Variants in MLIP observed in about 807,000 individuals in gnomAD.
MLIP encodes muscular LMNA-interacting protein.
Under a neutral mutation model 84.8 loss-of-function variants are expected in MLIP, and 79 were observed. The observed-to-expected ratio is 0.93, with a 90% confidence interval of 0.78 to 1.12. The LOEUF is 1.12. MLIP is among the 50% of genes most tolerant of loss of function. The probability of loss-of-function intolerance (pLI) is 0.00; values close to 1 mark genes in which losing one functional copy is unlikely to be tolerated. For missense variants in MLIP, 1,257 were observed against 1,160.6 expected (o/e 1.08, Z -1.21); for synonymous variants, 504 against 463.0 (o/e 1.09, Z -1.14).
chr6:54,243,037 A>G (rs926633297), intron 12 of MLIP, among the ~76,000 whole-genome samples: 13 of 152,202 alleles, frequency 8.5e-5, no homozygotes, highest in African/African-American at 2.9e-4. Flanking sequence ...AGACAGAGAC[A>G]TGGGGGCCTT....
chr6:54,252,366 CT>C (rs1782679246), intron 12 of MLIP, among the ~76,000 whole-genome samples: 15 of 98,564 alleles, frequency 1.5e-4, no homozygotes, highest in African/African-American at 8.0e-4. Flanking sequence ...ATACCATATA[CT>C]ATATAACTAT....
intron 12 of MLIP, among the ~76,000 whole-genome samples, chr6:54,251,597 A>G (rs1301902162): frequency 1.2e-5 from 1 of 82,226 alleles, no homozygotes; most frequent in African/African-American, 8.0e-5. Context: ...TAATACAAAT[A>G]TATATATTAT....
chr6:54,247,711 C>G (rs2150857317), intron 12 of MLIP, among the ~76,000 whole-genome samples: 1 of 152,242 alleles, frequency 6.6e-6, no homozygotes, highest in South Asian at 2.1e-4. Context: ...AGAAGCCCTT[C>G]TGTTACCTAT....
rs1771853819 is a variant in MLIP at position 54,136,965 on chromosome 6, T to A, written c.896T>A (p.Phe299Tyr). 1.3e-6 allele frequency: 2 copies of A among 1,535,864 alleles called. No homozygotes were observed. Among genetic ancestry groups the A allele is most frequent in the Non-Finnish European group, 1.7e-6 (2 of 1,146,872 alleles). ...AAGGGCACCTCCTCGACGTTACTGT[T>A]TCCCCATTCCACTCAACTATCAGGT... is the stretch of plus-strand genomic sequence containing the variant. ...ASKGTSSTLL[F>Y]PHSTQLSGSN... Residue 299 changes from phenylalanine (F) to tyrosine (Y), a missense_variant, in exon 4 of 14, where the codon TTT (phenylalanine) becomes TAT (tyrosine). Coordinates refer to ENST00000502396, the MANE Select transcript of MLIP (RefSeq NM_001281747.2).
upstream of MLIP, among the ~76,000 whole-genome samples, chr6:54,111,204 T>C (rs564128290): frequency 5.7e-4 from 87 of 152,268 alleles, 1 homozygote; most frequent in African/African-American, 2.0e-3. Flanking sequence ...GGAAAACACA[T>C]ATCAGTGGCT....
chr6:54,044,639 T>C (rs1302267268), intron 1 of MLIP, among the ~76,000 whole-genome samples: 5 of 152,022 alleles, frequency 3.3e-5, no homozygotes, highest in Admixed American at 3.3e-4. Flanking sequence ...GGTAGACGTT[T>C]TTTTTTTTTT....
At chr6:54,161,822 G>A (rs1774668134) in intron 8 of MLIP, among the ~76,000 whole-genome samples, 2 of 151,870 alleles carry the variant, frequency 1.3e-5, no homozygotes, top group Admixed American at 1.3e-4. Context: ...TGTATTTGAA[G>A]TCTATTTTGT....
At chr6:54,195,092 T>A (rs1208096041) in intron 10 of MLIP, among the ~76,000 whole-genome samples, 1 of 152,050 alleles carries the variant, frequency 6.6e-6, no homozygotes, top group African/African-American at 2.4e-5. Flanking sequence ...TTGCACAAAC[T>A]TTTTTGCCAT....
intron 1 of MLIP, among the ~76,000 whole-genome samples, chr6:54,038,904 A>G (rs765680251): frequency 2.6e-4 from 39 of 152,042 alleles, no homozygotes; most frequent in African/African-American, 8.9e-4. Flanking sequence ...TTTACTTTTC[A>G]TATAACGAAA....
chr6:54,070,230 C>T (rs143604575), intron 1 of MLIP, among the ~76,000 whole-genome samples: 13 of 152,312 alleles, frequency 8.5e-5, no homozygotes, highest in African/African-American at 2.9e-4. Context: ...CCTCACTCAT[C>T]ATTTTTGTTA....
In MLIP at chr6:54,149,081, A is replaced by C. The variant is rs1296789373; in HGVS notation, c.2243A>C (p.Lys748Thr). Residue 748 changes from lysine (K) to threonine (T), a missense_variant, in exon 5 of 14, where the codon AAG (lysine) becomes ACG (threonine). Coordinates refer to ENST00000502396, the MANE Select transcript of MLIP (RefSeq NM_001281747.2). ...SKQYKTKSSY[K>T]AFAAIPTNTL... is the part of the protein sequence containing the mutation. Reference sequence around the variant, plus strand: ...CAATACAAGACCAAGTCAAGCTACAAGGCTTTTGCAGCAATCCCTACAAAC... The same window carrying C: ...CAATACAAGACCAAGTCAAGCTACACGGCTTTTGCAGCAATCCCTACAAAC... 1.2e-6 allele frequency: 2 copies of C among 1,612,990 alleles called. No individual in the cohort carries two copies. Among genetic ancestry groups the C allele is most frequent in the Non-Finnish European group, 1.7e-6 (2 of 1,179,248 alleles).
intron 10 of MLIP, among the ~76,000 whole-genome samples, chr6:54,193,528 A>G (rs9474757): frequency 0.031 from 4,710 of 152,252 alleles, 217 homozygotes; most frequent in African/African-American, 0.11. Flanking sequence ...GTTTTGGAAA[A>G]TGAATCATTA....
intron 12 of MLIP, among the ~76,000 whole-genome samples, chr6:54,246,574 T>C (rs1456041048): frequency 7.2e-5 from 11 of 152,158 alleles, no homozygotes; most frequent in Non-Finnish European, 1.6e-4. Flanking sequence ...TTTTTTATCT[T>C]GAGACATTTC....
rs5021693 is a variant in MLIP at position 54,213,727 on chromosome 6, A to C, written c.2718+11494A>C. On this transcript the variant is annotated intron_variant, in intron 11 of 13. Transcript: ENST00000502396. ...TGTCTCAAAAAAAAAAAAAAAAAAAAAAAAAAAAACAACAAACAGCATATC... is the reference window on the plus strand; with the variant it reads ...TGTCTCAAAAAAAAAAAAAAAAAAACAAAAAAAAACAACAAACAGCATATC... Among the ~76,000 whole-genome samples the C allele has an allele frequency of 0.017, 173 of 9,962 alleles. 23 individuals are homozygous for C. In the South Asian group the frequency reaches 0.28, roughly 16 times the overall value. The allele number at this position is 9,962 out of a possible 152,430, so 6.5% of individuals were successfully genotyped here.
intron 11 of MLIP, among the ~76,000 whole-genome samples, chr6:54,210,076 T>G (rs1381189559): frequency 6.6e-6 from 1 of 152,372 alleles, no homozygotes; most frequent in East Asian, 1.9e-4. Flanking sequence ...AGAAATTAAT[T>G]TAGCTTCAAT....
intron 1 of MLIP, among the ~76,000 whole-genome samples, chr6:54,072,382 ACT>A (rs1766540582): frequency 6.6e-6 from 1 of 151,446 alleles, no homozygotes; most frequent in Non-Finnish European, 1.5e-5. Context: ...GCAATCATTA[ACT>A]CTTTCCCTGC....
At position 54,249,778 on chromosome 6, in the gene MLIP, C is replaced by CGT. The variant is rs1489059050; in HGVS notation, c.2923-7523_2923-7522dup. On this transcript the variant is annotated intron_variant, in intron 12 of 13. Transcript: ENST00000502396. ...ACACATATATATACACATGTATACACGTGTGTGTATATATATGTTTATTTA... is the reference window on the plus strand; with the variant it reads ...ACACATATATATACACATGTATACACGTGTGTGTGTATATATATGTTTATTTA... Among the ~76,000 whole-genome samples the CGT allele has an allele frequency of 2.0e-5, 3 of 151,664 alleles. No individual in the cohort carries two copies. In the East Asian group the frequency reaches 5.8e-4, roughly 29 times the overall value.
At chr6:54,128,717 G>A (rs1194454133) in intron 3 of MLIP, among the ~76,000 whole-genome samples, 1 of 152,020 alleles carries the variant, frequency 6.6e-6, no homozygotes, top group Admixed American at 6.6e-5. Flanking sequence ...AAATGAGATG[G>A]GCAATTGACT....
At chr6:54,113,701 C>T (rs1041341506) in intron 1 of MLIP, among the ~76,000 whole-genome samples, 1 of 152,156 alleles carries the variant, frequency 6.6e-6, no homozygotes, top group African/African-American at 2.4e-5. Flanking sequence ...TTAGAATCAT[C>T]TGGAATTATC....
Sources: gnomAD v4.1 joint callset for allele counts (sites outside exome capture counted in the v4.1 genomes callset) on GRCh38, gnomAD v4.1.1 for gene constraint, MANE v1.5 for transcripts, NCBI Gene and HGNC (gene_info 2026-07-23, HGNC 2026-07-21) for gene names.